Variants in METTL15 observed in about 807,000 individuals in gnomAD.
METTL15 encodes the protein 12S rRNA N(4)-cytidine methyltransferase METTL15.
METTL15 carries 34 observed loss-of-function variants against 38.3 expected under a neutral mutation model. That is an observed-to-expected ratio of 0.89 (90% confidence interval 0.68 to 1.18). The LOEUF (loss-of-function observed/expected upper bound fraction) is 1.18, where lower values mean the gene tolerates loss of function less well. METTL15 is among the 50% of genes most tolerant of loss of function. The pLI is 0.00. For synonymous variants in METTL15, 162 were observed against 170.9 expected (o/e 0.95, Z 0.41); for missense variants, 438 against 498.4 (o/e 0.88, Z 1.15).
intron 6 of METTL15, among the ~76,000 whole-genome samples, chr11:28,329,400 T>C (rs1300654107): frequency 6.6e-6 from 1 of 152,012 alleles, no homozygotes; most frequent in Non-Finnish European, 1.5e-5. Flanking sequence ...TACTTTATTC[T>C]TTTTTTTCTT....
At position 28,242,552 on chromosome 11, in the gene METTL15, G is replaced by A. The variant is rs962978223; in HGVS notation, c.407+31354G>A. 7.9e-5 allele frequency among the ~76,000 whole-genome samples: 12 copies of A among 152,160 alleles called. 1 individual carries two copies. The East Asian group carries it at 2.3e-3, about 29-fold the overall frequency. On this transcript the variant is annotated intron_variant, in intron 4 of 6. Transcript: ENST00000407364. Reference sequence around the variant, plus strand: ...ATTGTATCCAATTATAAAGTCATATGGTAGTTTCCTTTATTCTGAGTTTAT... The same window carrying A: ...ATTGTATCCAATTATAAAGTCATATAGTAGTTTCCTTTATTCTGAGTTTAT...
chr11:28,204,435 CTTTTTTTTTTTTTT>C (rs59729387), intron 3 of METTL15, among the ~76,000 whole-genome samples: 1 of 79,340 alleles, frequency 1.3e-5, no homozygotes, highest in Non-Finnish European at 2.2e-5. Context: ...CTGAGTTTTC[CTTTTTTTTTTTTTT>C]TTTTTTTTTT....
At chr11:28,472,949 T>C (rs1242902319) in intron 6 of METTL15, among the ~76,000 whole-genome samples, 1 of 152,170 alleles carries the variant, frequency 6.6e-6, no homozygotes, top group Non-Finnish European at 1.5e-5. Context: ...CCAAGAGGAC[T>C]AGGTCTAGGT....
intron 3 of METTL15, among the ~76,000 whole-genome samples, chr11:28,137,400 G>A (rs1382882230): frequency 5.9e-5 from 9 of 152,114 alleles, no homozygotes; most frequent in Non-Finnish European, 1.3e-4. Context: ...TATGCACCTT[G>A]CGGGTGAATC....
At chr11:28,233,410 T>G (rs1315341837) in intron 4 of METTL15, among the ~76,000 whole-genome samples, 1 of 152,024 alleles carries the variant, frequency 6.6e-6, no homozygotes, top group Non-Finnish European at 1.5e-5. Context: ...AACCATTAGC[T>G]TTTTTTGTTT....
At chr11:28,311,483 C>T (rs890274434) in intron 6 of METTL15, among the ~76,000 whole-genome samples, 1 of 152,138 alleles carries the variant, frequency 6.6e-6, no homozygotes. Context: ...ACTTTGTCTA[C>T]CTTATGAACT....
In METTL15 at chr11:28,118,060, T is replaced by C. The variant is rs564833307; in HGVS notation, c.270+4456T>C. Reference sequence around the variant, plus strand: ...CTCTGTCGTCCAGGCTGGAGTACAGTGGCACAATCTCAGCTTACTGCAAGC... The same window carrying C: ...CTCTGTCGTCCAGGCTGGAGTACAGCGGCACAATCTCAGCTTACTGCAAGC... On this transcript the variant is annotated intron_variant, in intron 3 of 6. Transcript: ENST00000407364. Among the ~76,000 whole-genome samples, 10 of 152,224 alleles carry C rather than the reference T, an allele frequency of 6.6e-5. No individual in the cohort carries two copies. The South Asian group carries it at 2.1e-3, about 32-fold the overall frequency.
intron 4 of METTL15, among the ~76,000 whole-genome samples, chr11:28,221,906 C>T (rs79765550): frequency 6.6e-6 from 1 of 152,226 alleles, no homozygotes; most frequent in East Asian, 1.9e-4. Context: ...CTGATCGTTC[C>T]TCTGGAAGTT....
At chr11:28,172,823 A>G (rs1268841608) in intron 3 of METTL15, among the ~76,000 whole-genome samples, 1 of 152,232 alleles carries the variant, frequency 6.6e-6, no homozygotes, top group Non-Finnish European at 1.5e-5. Flanking sequence ...ATACAGAGCT[A>G]TGAGCAAACT....
intron 5 of METTL15, among the ~76,000 whole-genome samples, chr11:28,415,586 C>A (rs183144643): frequency 6.6e-6 from 1 of 152,268 alleles, no homozygotes; most frequent in East Asian, 1.9e-4. Context: ...GCTAGGTCTC[C>A]AACCCATGCT....
intron 6 of METTL15, among the ~76,000 whole-genome samples, chr11:28,494,065 G>T (rs924891715): frequency 1.3e-5 from 2 of 152,208 alleles, no homozygotes; most frequent in Non-Finnish European, 2.9e-5. Context: ...TTGGACAAAT[G>T]ATTTAGTATA....
At chr11:28,262,387 G>A (rs921340505) in intron 4 of METTL15, among the ~76,000 whole-genome samples, 3 of 150,552 alleles carry the variant, frequency 2.0e-5, no homozygotes, top group Non-Finnish European at 3.0e-5. Context: ...TAGTATAACT[G>A]TATAGTATAT....
chr11:28,405,203 C>G (rs915539028), intron 5 of METTL15, among the ~76,000 whole-genome samples: 3 of 152,216 alleles, frequency 2.0e-5, no homozygotes, highest in African/African-American at 7.2e-5. Context: ...ATTATGTGCT[C>G]TCCTCAAAAG....
At chr11:28,288,752 TAA>T (rs1856391575) in intron 4 of METTL15, among the ~76,000 whole-genome samples, 1 of 151,962 alleles carries the variant, frequency 6.6e-6, no homozygotes, top group Non-Finnish European at 1.5e-5. Context: ...ACCTGTACAA[TAA>T]ACCCCCATGA....
At chr11:28,111,862 C>T (rs1458214078) in intron 2 of METTL15, among the ~76,000 whole-genome samples, 1 of 152,112 alleles carries the variant, frequency 6.6e-6, no homozygotes, top group Non-Finnish European at 1.5e-5. Context: ...GGTAGTTGAG[C>T]TTACTTTTGT....
intron 3 of METTL15, among the ~76,000 whole-genome samples, chr11:28,116,145 T>C (rs1347369182): frequency 6.6e-6 from 1 of 152,166 alleles, no homozygotes; most frequent in African/African-American, 2.4e-5. Context: ...TAGATTATTA[T>C]TTAAAGTCAT....
At chr11:28,439,647 A>G (rs1182105445) in intron 6 of METTL15, among the ~76,000 whole-genome samples, 1 of 152,188 alleles carries the variant, frequency 6.6e-6, no homozygotes, top group East Asian at 1.9e-4. Flanking sequence ...AAATAATCCT[A>G]CTAACATCAC....
intron 6 of METTL15, among the ~76,000 whole-genome samples, chr11:28,450,922 G>A (rs1459048959): frequency 6.6e-6 from 1 of 152,006 alleles, no homozygotes; most frequent in Non-Finnish European, 1.5e-5. Context: ...CCTTGTGAGG[G>A]GAGGACTCTC....
chr11:28,326,205 G>C (rs1024888316), intron 6 of METTL15, among the ~76,000 whole-genome samples: 2 of 152,090 alleles, frequency 1.3e-5, no homozygotes, highest in Non-Finnish European at 2.9e-5. Flanking sequence ...CAAGGGCGGG[G>C]ACCATTTTTC....
Sources: allele counts gnomAD v4.1 joint callset (sites outside exome capture counted in the v4.1 genomes callset), GRCh38; gene constraint gnomAD v4.1.1; transcripts MANE v1.5; gene names NCBI Gene and HGNC (gene_info 2026-07-23, HGNC 2026-07-21).